The following RAD51B variants were observed in gnomAD, a reference collection of about 807,000 sequenced individuals.
RAD51B encodes RAD51 paralog B.
A neutral mutation model predicts 42.2 loss-of-function variants in RAD51B; 38 were observed. The observed-to-expected ratio is 0.90, with a 90% confidence interval of 0.70 to 1.18. RAD51B has a LOEUF of 1.18. Among genes scored for constraint, RAD51B ranks in the 50% most tolerant of loss-of-function variants. The pLI is 0.00. For missense variants in RAD51B, 373 were observed against 400.7 expected (o/e 0.93, Z 0.59); for synonymous variants, 154 against 145.2 (o/e 1.06, Z -0.43).
At chr14:67,851,298 G>A (rs1198625822) in intron 4 of RAD51B, among the ~76,000 whole-genome samples, 1 of 152,148 alleles carries the variant, frequency 6.6e-6, no homozygotes, top group East Asian at 1.9e-4. Flanking sequence ...GGTCCTGGCT[G>A]TGATGGGAAG....
chr14:67,859,327 A>G (rs2139971383), intron 4 of RAD51B, among the ~76,000 whole-genome samples: 1 of 152,254 alleles, frequency 6.6e-6, no homozygotes, highest in East Asian at 1.9e-4. Flanking sequence ...TGTGTGCAAT[A>G]CTAATAATGA....
At chr14:68,177,144 A>G (rs552167601) in intron 7 of RAD51B, among the ~76,000 whole-genome samples, 2 of 152,212 alleles carry the variant, frequency 1.3e-5, no homozygotes, top group African/African-American at 4.8e-5. Flanking sequence ...CACTGAGTGT[A>G]CAATGCCACA....
chr14:67,927,574 T>A (rs1009793853), intron 7 of RAD51B, among the ~76,000 whole-genome samples: 4 of 152,170 alleles, frequency 2.6e-5, no homozygotes, highest in African/African-American at 9.7e-5. Flanking sequence ...CACATGTGAA[T>A]GAGAACGTGT....
chr14:68,005,031 C>CTGTGTGTGTG (rs1387632190), intron 7 of RAD51B, among the ~76,000 whole-genome samples: 2 of 115,492 alleles, frequency 1.7e-5, no homozygotes, highest in Non-Finnish European at 3.4e-5. Flanking sequence ...TACCATTCTA[C>CTGTGTGTGTG]TGTGTGTGTG....
intron 11 of RAD51B, among the ~76,000 whole-genome samples, chr14:68,657,366 A>G (rs2140143082): frequency 6.6e-6 from 1 of 152,318 alleles, no homozygotes; most frequent in Middle Eastern, 3.4e-3. Flanking sequence ...TTTTTTGTAA[A>G]GACAGGATCT....
chr14:67,866,328 G>A (rs1229445833), intron 5 of RAD51B, among the ~76,000 whole-genome samples: 1 of 152,168 alleles, frequency 6.6e-6, no homozygotes, highest in Admixed American at 6.6e-5. Flanking sequence ...AAATATATTT[G>A]AGATTAAAGC....
chr14:67,945,607 A>G (rs1044192913), intron 7 of RAD51B, among the ~76,000 whole-genome samples: 1 of 152,028 alleles, frequency 6.6e-6, no homozygotes, highest in Non-Finnish European at 1.5e-5. Flanking sequence ...AGTAGCTGGG[A>G]TTACAGGCAC....
chr14:68,518,876 G>A (rs763843354), intron 10 of RAD51B, among the ~76,000 whole-genome samples: 3 of 152,094 alleles, frequency 2.0e-5, no homozygotes, highest in Non-Finnish European at 2.9e-5. Flanking sequence ...TTCAAAAAAC[G>A]AAGGATTTAG....
chr14:67,909,413 T>C (rs2043889843), intron 7 of RAD51B, among the ~76,000 whole-genome samples: 1 of 152,176 alleles, frequency 6.6e-6, no homozygotes, highest in South Asian at 2.1e-4. Context: ...AGTACCAGCC[T>C]TTTGGAGGAA....
intron 8 of RAD51B, among the ~76,000 whole-genome samples, chr14:68,375,490 C>G (rs575877321): frequency 1.5e-4 from 23 of 152,326 alleles, no homozygotes; most frequent in Non-Finnish European, 2.9e-4. Context: ...CTCAGGGCTA[C>G]TTTCCCAGAC....
At chr14:68,265,988 G>A (rs11846733) in intron 7 of RAD51B, among the ~76,000 whole-genome samples, 11,018 of 152,142 alleles carry the variant, frequency 0.072, 1,324 homozygotes, top group African/African-American at 0.25. Flanking sequence ...ATTGGATTAA[G>A]TGCATGCACT....
intron 7 of RAD51B, among the ~76,000 whole-genome samples, chr14:68,080,760 G>C (rs969144845): frequency 2.0e-5 from 3 of 152,154 alleles, no homozygotes; most frequent in Admixed American, 6.5e-5. Context: ...TCCTCAACAT[G>C]TATGTGCCTG....
At chr14:68,078,882 C>T (rs1193275661) in intron 7 of RAD51B, among the ~76,000 whole-genome samples, 1 of 152,016 alleles carries the variant, frequency 6.6e-6, no homozygotes, top group Non-Finnish European at 1.5e-5. Context: ...CCCAGCTATT[C>T]AGGAGGTTGT....
chr14:68,662,940 C>T (rs892022043), intron 11 of RAD51B, among the ~76,000 whole-genome samples: 72 of 152,192 alleles, frequency 4.7e-4, no homozygotes, highest in Non-Finnish European at 1.2e-4. Flanking sequence ...CCTTGTGGAC[C>T]GCATTACTGG....
At chr14:67,878,710 T>C (rs2042808491) in intron 5 of RAD51B, among the ~76,000 whole-genome samples, 1 of 152,166 alleles carries the variant, frequency 6.6e-6, no homozygotes, top group South Asian at 2.1e-4. Context: ...TGTGTGTTTG[T>C]TTTTGTTTTT....
intron 10 of RAD51B, among the ~76,000 whole-genome samples, chr14:68,569,288 G>A (rs1889576840): frequency 6.6e-6 from 1 of 152,196 alleles, no homozygotes; most frequent in Non-Finnish European, 1.5e-5. Flanking sequence ...GTGATCAATT[G>A]GCAACTTAAG....
chr14:68,577,547 T>G (rs1334478426), intron 10 of RAD51B, among the ~76,000 whole-genome samples: 3 of 151,514 alleles, frequency 2.0e-5, no homozygotes, highest in East Asian at 3.9e-4. Context: ...CACTGCATGG[T>G]GTTCTCAATC....
At chr14:68,426,603 A>C (rs930333893) in intron 9 of RAD51B, among the ~76,000 whole-genome samples, 13 of 152,180 alleles carry the variant, frequency 8.5e-5, no homozygotes, top group African/African-American at 3.1e-4. Flanking sequence ...AACTGCATAC[A>C]GTAAAATGAG....
chr14:68,098,466 G>T (rs1195912878), intron 7 of RAD51B, among the ~76,000 whole-genome samples: 2 of 152,240 alleles, frequency 1.3e-5, no homozygotes, highest in African/African-American at 4.8e-5. Context: ...GGTAGAAAAA[G>T]AGGTTTAATT....
Sources: gnomAD v4.1 joint callset for allele counts (sites outside exome capture counted in the v4.1 genomes callset) on GRCh38, gnomAD v4.1.1 for gene constraint, MANE v1.5 for transcripts, NCBI Gene and HGNC (gene_info 2026-07-23, HGNC 2026-07-21) for gene names.